KSR2: variants seen among roughly 807,000 people sequenced by gnomAD.
The protein encoded by KSR2 is kinase suppressor of ras 2.
In KSR2, 25 loss-of-function variants were observed where a neutral mutation model predicts 107.8. That is an observed-to-expected ratio of 0.23 (90% CI 0.17 to 0.32). The LOEUF is 0.32. Ranked by LOEUF, KSR2 falls within the 10% of genes least tolerant of loss-of-function variation. The pLI is 1.00. For synonymous variants in KSR2, 480 were observed against 507.0 expected (o/e 0.95, Z 0.71); for missense variants, 887 against 1,268.9 (o/e 0.70, Z 4.57).
intron 3 of KSR2, among the ~76,000 whole-genome samples, chr12:117,772,706 A>G (rs994632694): frequency 6.6e-6 from 1 of 150,674 alleles, no homozygotes; most frequent in Admixed American, 6.6e-5. Flanking sequence ...TCCCCCAAAG[A>G]TGCACAAACA....
rs183817427 is a variant in KSR2, at chr12:117,904,529, T to C, written c.181-44098A>G. 1.5e-3 allele frequency among the ~76,000 whole-genome samples: 232 copies of C among 152,318 alleles called. 1 individual carries two copies. The highest frequency in any genetic ancestry group is 5.1e-3 in the African/African-American group (213 of 41,570). On this transcript the variant is annotated intron_variant, in intron 1 of 19. Transcript: ENST00000339824. Reference sequence around the variant, plus strand: ...TGGATTTCGGTGGCCTTATTACCCCTGTTCCACACTAAATAAAAATCACAG... The same window carrying C: ...TGGATTTCGGTGGCCTTATTACCCCCGTTCCACACTAAATAAAAATCACAG...
Position 117,968,072 on chromosome 12 carries a change from C to T in KSR2, c.180+4G>A. On this transcript the variant is annotated splice_donor_region_variant and intron_variant, in intron 1 of 19. Coordinates refer to ENST00000339824, the MANE Select transcript of KSR2 (RefSeq NM_173598.6). ...TTTTTTTTTTTCCCGTAGGCAACAC[C>T]TACCTCCAGGGTCCGGATTTCTTTT... The T allele has an allele frequency of 2.5e-6, 3 of 1,201,740 alleles. No individual in the cohort carries two copies. The highest frequency in any genetic ancestry group is 2.6e-5 in the South Asian group (2 of 77,492). 74.4% of individuals were successfully genotyped at this position (1,201,740 alleles called of 1,614,324 possible). A position where few individuals can be genotyped will look rare whatever the true frequency, so the allele number is the denominator to read the frequency against.
intron 3 of KSR2, among the ~76,000 whole-genome samples, chr12:117,773,028 G>A (rs990293310): frequency 2.6e-5 from 4 of 152,166 alleles, no homozygotes; most frequent in South Asian, 2.1e-4. Context: ...CCAAATTACC[G>A]GCTTCTAAAT....
At chr12:117,731,303 T>C (rs1447070488) in intron 4 of KSR2, among the ~76,000 whole-genome samples, 1 of 141,294 alleles carries the variant, frequency 7.1e-6, no homozygotes, top group East Asian at 2.2e-4. Context: ...GAGGAGCGTC[T>C]CCGCCCAGCA....
chr12:117,877,667 T>A (rs567004335), intron 1 of KSR2, among the ~76,000 whole-genome samples: 11 of 152,286 alleles, frequency 7.2e-5, no homozygotes, highest in African/African-American at 2.4e-4. Flanking sequence ...AGAGTAACAA[T>A]GGAACTTGCC....
chr12:117,794,087 C>CA (rs1890458657), intron 3 of KSR2, among the ~76,000 whole-genome samples: 1 of 121,744 alleles, frequency 8.2e-6, no homozygotes, highest in South Asian at 2.7e-4. Context: ...AACATGCACA[C>CA]TCACACCAAC....
intron 3 of KSR2, among the ~76,000 whole-genome samples, chr12:117,804,174 G>T (rs1320498114): frequency 1.3e-5 from 2 of 152,172 alleles, no homozygotes; most frequent in Non-Finnish European, 2.9e-5. Context: ...CTCCGGAGTA[G>T]CTGGGATTAC....
At chr12:117,785,462 C>T (rs1391755557) in intron 3 of KSR2, among the ~76,000 whole-genome samples, 4 of 114,574 alleles carry the variant, frequency 3.5e-5, no homozygotes, top group African/African-American at 6.0e-5. Context: ...TAGGTAGCAA[C>T]ACTGAGATGA....
intron 7 of KSR2, among the ~76,000 whole-genome samples, chr12:117,570,858 A>C (rs1045857705): frequency 2.0e-5 from 3 of 152,188 alleles, no homozygotes; most frequent in Admixed American, 2.0e-4. Context: ...CTCTCTCTGC[A>C]GTCTGTATCC....
rs114632988 is a variant in KSR2 at position 117,546,460 on chromosome 12, C to G, written c.1519-6573G>C. ...CCTAGCATGGATTTCTTTGAATTGA[C>G]CTTCTTTGACGTTTTCTGAGATTCT... On this transcript the variant is annotated intron_variant, in intron 9 of 19. Coordinates refer to ENST00000339824, the MANE Select transcript of KSR2 (RefSeq NM_173598.6). Among the ~76,000 whole-genome samples, 488 of 152,234 alleles carry G rather than the reference C, an allele frequency of 3.2e-3. 2 individuals carry two copies. The highest frequency in any genetic ancestry group is 0.011 in the African/African-American group (467 of 41,550).
chr12:117,584,914 G>A (rs1293758859), intron 5 of KSR2, among the ~76,000 whole-genome samples: 1 of 152,208 alleles, frequency 6.6e-6, no homozygotes, highest in Non-Finnish European at 1.5e-5. Context: ...GGCACCTGCA[G>A]ATTCTCAATG....
chr12:117,768,502 G>T, intron 3 of KSR2, among the ~76,000 whole-genome samples: 1 of 152,182 alleles, frequency 6.6e-6, no homozygotes, highest in East Asian at 1.9e-4. Context: ...AGGCTGTGTG[G>T]GCATCCGTCC....
intron 14 of KSR2, among the ~76,000 whole-genome samples, chr12:117,498,931 C>A (rs1421615752): frequency 6.6e-6 from 1 of 152,186 alleles, no homozygotes. Context: ...TCAGGTATGC[C>A]TTCATCAGCA....
chr12:117,958,324 G>A (rs943914401), intron 1 of KSR2, among the ~76,000 whole-genome samples: 7 of 152,136 alleles, frequency 4.6e-5, no homozygotes, highest in Non-Finnish European at 7.3e-5. Context: ...AGGGTATGGG[G>A]AAATGAACCC....
At chr12:117,662,377 T>C (rs1171573250) in intron 5 of KSR2, among the ~76,000 whole-genome samples, 2 of 152,208 alleles carry the variant, frequency 1.3e-5, no homozygotes, top group African/African-American at 4.8e-5. Flanking sequence ...AGTCTCTTTA[T>C]AACCCTTCCA....
chr12:117,952,814 A>G (rs1896400920), intron 1 of KSR2, among the ~76,000 whole-genome samples: 1 of 151,772 alleles, frequency 6.6e-6, no homozygotes, highest in Non-Finnish European at 1.5e-5. Flanking sequence ...TGAAACCCCC[A>G]TCTCTACTAA....
intron 1 of KSR2, among the ~76,000 whole-genome samples, chr12:117,866,842 A>ATT (rs1893489731): frequency 6.6e-6 from 1 of 152,002 alleles, no homozygotes; most frequent in African/African-American, 2.4e-5. Context: ...AAAAAATTAA[A>ATT]AAAAAAATGA....
intron 5 of KSR2, among the ~76,000 whole-genome samples, chr12:117,606,035 C>A (rs1881209420): frequency 6.6e-6 from 1 of 152,110 alleles, no homozygotes; most frequent in Non-Finnish European, 1.5e-5. Flanking sequence ...AAGGGCTCTT[C>A]TTAAGTGTTA....
intron 9 of KSR2, among the ~76,000 whole-genome samples, chr12:117,549,917 T>C (rs1377587876): frequency 6.6e-6 from 1 of 152,222 alleles, no homozygotes; most frequent in African/African-American, 2.4e-5. Context: ...ATACGTATGG[T>C]ACTCACTTAT....
Sources: gnomAD v4.1 joint callset for allele counts (sites outside exome capture counted in the v4.1 genomes callset) on GRCh38, gnomAD v4.1.1 for gene constraint, MANE v1.5 for transcripts, NCBI Gene and HGNC (gene_info 2026-07-23, HGNC 2026-07-21) for gene names.